The following VPS41 variants were observed in gnomAD, a reference collection of about 807,000 sequenced individuals.
The protein encoded by VPS41 is vacuolar protein sorting-associated protein 41 homolog.
In VPS41, 85 loss-of-function variants were observed where a neutral mutation model predicts 130.9. That is an observed-to-expected ratio of 0.65 (90% CI 0.55 to 0.78). VPS41 has a LOEUF of 0.78. VPS41 is among the 30% of genes least tolerant of loss of function. VPS41 has a pLI of 0.00. For missense variants in VPS41, 874 were observed against 1,018.7 expected, an observed-to-expected ratio of 0.86 and a Z score of 1.93; for synonymous variants, 335 against 332.9, an observed-to-expected ratio of 1.01 and a Z score of -0.07.
At chr7:38,807,534 T>C (rs1784864060) in intron 7 of VPS41, among the ~76,000 whole-genome samples, 2 of 152,216 alleles carry the variant, frequency 1.3e-5, no homozygotes, top group African/African-American at 4.8e-5. Flanking sequence ...AATGGTCTTA[T>C]TAACTATATT....
intron 22 of VPS41, 151 bp from the exon 23 acceptor site, chr7:38,745,764 A>C (rs1269950853): frequency 3.0e-6 from 2 of 661,374 alleles, no homozygotes; most frequent in Non-Finnish European, 5.3e-6. Context: ...ATCTCCCTAG[A>C]ATAGCTGCAC....
intron 18 of VPS41, 35 bp downstream of exon 18, chr7:38,758,319 C>T (rs1450853168): frequency 6.3e-7 from 1 of 1,574,886 alleles, no homozygotes; most frequent in Non-Finnish European, 8.6e-7. Context: ...TCAACACAGA[C>T]TGATATGGAA....
Position 38,767,545 on chromosome 7 carries a change from T to C in VPS41, c.1239A>G (p.Ile413Met). The change falls in exon 15 of 29, where the codon ATA becomes ATG. Residue 413 changes from isoleucine to methionine, a missense_variant. Coordinates refer to ENST00000310301, the MANE Select transcript of VPS41 (RefSeq NM_014396.4). Reference sequence around the variant, plus strand: ...GAAAATGTCATCATTACCGTGCTGCTATGTCATAGTCTCCTCTCTCCACCA... The same window carrying C: ...GAAAATGTCATCATTACCGTGCTGCCATGTCATAGTCTCCTCTCTCCACCA... ...NHLVERGDYDIAARKCQKILG... is the reference protein window; with the variant it reads ...NHLVERGDYDMAARKCQKILG... 6.2e-7 allele frequency: 1 copy of C among 1,604,928 alleles called. No individual in the cohort carries two copies. The highest frequency in any genetic ancestry group is 1.3e-5 in the African/African-American group (1 of 74,860).
At chr7:38,794,269 T>C (rs1479929634) in intron 9 of VPS41, among the ~76,000 whole-genome samples, 2 of 152,164 alleles carry the variant, frequency 1.3e-5, no homozygotes, top group Non-Finnish European at 2.9e-5. Context: ...TCCTACGATA[T>C]AGGCACAGTT....
Position 38,764,889 on chromosome 7 carries a change from A to G in VPS41, c.1329+691T>C, listed in dbSNP as rs548828163. Among the ~76,000 whole-genome samples the G allele has an allele frequency of 1.7e-4, 26 of 152,282 alleles. No individual in the cohort carries two copies. The East Asian group carries it at 4.5e-3, about 26-fold the overall frequency. On this transcript the variant is annotated intron_variant, in intron 16 of 28. Coordinates refer to ENST00000310301, the MANE Select transcript of VPS41 (RefSeq NM_014396.4). Reference sequence around the variant, plus strand: ...AAGTTACACAGCCATTAAAGTAAACAGGGAGGCACGACTGGATAAAATCCT... The same window carrying G: ...AAGTTACACAGCCATTAAAGTAAACGGGGAGGCACGACTGGATAAAATCCT...
chr7:38,909,161 T>A lies in VPS41; in HGVS notation c.14A>T (p.Glu5Val), dbSNP rs1381598779. 3.1e-6 allele frequency: 5 copies of A among 1,614,140 alleles called. No homozygotes were observed. Among genetic ancestry groups the A allele is most frequent in the Middle Eastern group, 3.3e-4 (2 of 6,060 alleles). The change falls in exon 1 of 29, where the codon GAG becomes GTG. Residue 5 changes from glutamate to valine, a missense_variant. Coordinates refer to ENST00000310301, the MANE Select transcript of VPS41 (RefSeq NM_014396.4). Reference sequence around the variant, plus strand: ...ACCACCTGCACCCTTTACCTGCTCCTCTGCTTCCGCCATGGCGCCACGGGA... The same window carrying A: ...ACCACCTGCACCCTTTACCTGCTCCACTGCTTCCGCCATGGCGCCACGGGA... MAEA[E>V]EQETGSLEES...
chr7:38,820,492 G>A (rs1401648481), intron 6 of VPS41, among the ~76,000 whole-genome samples: 1 of 152,066 alleles, frequency 6.6e-6, no homozygotes, highest in Non-Finnish European at 1.5e-5. Flanking sequence ...ACTCTTATCT[G>A]TCCTTCAATC....
At chr7:38,758,306 T>C (rs1331928649) in intron 18 of VPS41, 48 bp downstream of exon 18, 1 of 1,543,670 alleles carries the variant, frequency 6.5e-7, no homozygotes, top group East Asian at 2.3e-5. Flanking sequence ...TATGAAAAAC[T>C]TTTCAACACA....
At chr7:38,765,468 T>G in intron 16 of VPS41, 112 bp downstream of exon 16, 1 of 688,950 alleles carries the variant, frequency 1.5e-6, no homozygotes, top group Non-Finnish European at 2.3e-6. Flanking sequence ...TCTTTCCATC[T>G]GAGATAATAA....
In VPS41 at chr7:38,726,153, C is replaced by A; in HGVS notation, c.*93G>T. ...GAGTATAATATAAACATAAACAAAT[C>A]TCTTAACAGCACGAGTGTCAACAAA... On this transcript the variant is annotated 3_prime_UTR_variant, in exon 29 of 29. Coordinates refer to ENST00000310301, the MANE Select transcript of VPS41 (RefSeq NM_014396.4). The A allele has an allele frequency of 1.2e-6, 1 of 816,546 alleles. No homozygotes were observed. The highest frequency in any genetic ancestry group is 2.1e-6 in the Non-Finnish European group (1 of 475,506). The allele number at this position is 816,546 out of a possible 1,614,324, so 50.6% of individuals were successfully genotyped here.
chr7:38,842,540 T>C (rs1008203270), intron 4 of VPS41, among the ~76,000 whole-genome samples: 4 of 152,224 alleles, frequency 2.6e-5, no homozygotes, highest in Admixed American at 1.3e-4. Context: ...TAGTAAAATA[T>C]ATAGTCGTCC....
At chr7:38,753,748 T>C (rs1783729970) in intron 21 of VPS41, among the ~76,000 whole-genome samples, 1 of 152,120 alleles carries the variant, frequency 6.6e-6, no homozygotes, top group Admixed American at 6.5e-5. Flanking sequence ...ATGTGGAGCC[T>C]TGCTTGGGAA....
At chr7:38,844,377 A>T (rs1785679230) in intron 4 of VPS41, among the ~76,000 whole-genome samples, 1 of 152,262 alleles carries the variant, frequency 6.6e-6, no homozygotes, top group Non-Finnish European at 1.5e-5. Context: ...ATATTCTCTA[A>T]CTTCTAACAT....
At position 38,867,477 on chromosome 7, in the gene VPS41, G is replaced by A. The variant is rs754128542; in HGVS notation, c.168+1669C>T. On this transcript the variant is annotated intron_variant, in intron 3 of 28. Coordinates refer to ENST00000310301, the MANE Select transcript of VPS41 (RefSeq NM_014396.4). Reference sequence around the variant, plus strand: ...GGAGAATTGCTTGAACCTGGGAGGCGGAGGTTGCAGTGAGCCCAGATTGCG... The same window carrying A: ...GGAGAATTGCTTGAACCTGGGAGGCAGAGGTTGCAGTGAGCCCAGATTGCG... 6.8e-4 allele frequency among the ~76,000 whole-genome samples: 103 copies of A among 151,918 alleles called. 1 individual carries two copies. Among genetic ancestry groups the A allele is most frequent in the Non-Finnish European group, 3.2e-4 (22 of 67,926 alleles).
intron 15 of VPS41, among the ~76,000 whole-genome samples, chr7:38,766,413 G>C (rs1242430370): frequency 1.3e-5 from 2 of 152,178 alleles, no homozygotes; most frequent in Non-Finnish European, 2.9e-5. Context: ...TGAATCATAA[G>C]CAGAGGCACT....
At chr7:38,813,277 C>T (rs1464176126) in intron 7 of VPS41, among the ~76,000 whole-genome samples, 8 of 152,060 alleles carry the variant, frequency 5.3e-5, no homozygotes, top group Non-Finnish European at 1.2e-4. Flanking sequence ...CCATATATTA[C>T]ATGATTCCAT....
chr7:38,781,496 C>A (rs1157068120), intron 10 of VPS41, among the ~76,000 whole-genome samples: 3 of 152,170 alleles, frequency 2.0e-5, no homozygotes, highest in African/African-American at 7.2e-5. Flanking sequence ...ACTTCTGTTT[C>A]TCTGCATTTT....
chr7:38,749,287 A>G (rs1031143280), intron 22 of VPS41, among the ~76,000 whole-genome samples: 1 of 152,186 alleles, frequency 6.6e-6, no homozygotes, highest in African/African-American at 2.4e-5. Flanking sequence ...GAAGATTTCA[A>G]TCAGTTGCCA....
intron 10 of VPS41, among the ~76,000 whole-genome samples, chr7:38,789,407 C>A (rs2074656): frequency 1.3e-5 from 2 of 151,774 alleles, no homozygotes; most frequent in Non-Finnish European, 2.9e-5. Flanking sequence ...AAGCAACACT[C>A]TAGCCAAATA....
Sources: allele counts gnomAD v4.1 joint callset (sites outside exome capture counted in the v4.1 genomes callset), GRCh38; gene constraint gnomAD v4.1.1; transcripts MANE v1.5; gene names NCBI Gene and HGNC (gene_info 2026-07-23, HGNC 2026-07-21).